The following CACNB2 variants were observed in gnomAD, a reference collection of about 807,000 sequenced individuals.
CACNB2 encodes the protein calcium voltage-gated channel auxiliary subunit beta 2.
Under a neutral mutation model 73.3 loss-of-function variants are expected in CACNB2, and 42 were observed. The observed-to-expected ratio is 0.57, with a 90% CI of 0.45 to 0.74. The LOEUF is 0.74. Ranked by LOEUF, CACNB2 falls within the 30% of genes least tolerant of loss-of-function variation. The pLI is 0.00. For synonymous variants in CACNB2, 348 were observed against 310.3 expected, an observed-to-expected ratio of 1.12 and a Z score of -1.28; for missense variants, 940 against 853.0, an observed-to-expected ratio of 1.10 and a Z score of -1.27.
At chr10:18,413,052 C>G (rs1188502415) in intron 3 of CACNB2, among the ~76,000 whole-genome samples, 1 of 152,232 alleles carries the variant, frequency 6.6e-6, no homozygotes, top group Non-Finnish European at 1.5e-5. Flanking sequence ...CTGACTGCAA[C>G]TTCTGCCCCC....
At chr10:18,482,711 C>T (rs865870870) in intron 3 of CACNB2, among the ~76,000 whole-genome samples, 8 of 152,030 alleles carry the variant, frequency 5.3e-5, no homozygotes, top group African/African-American at 1.7e-4. Context: ...AGGGTTTCAC[C>T]ACGTTGGGCA....
chr10:18,167,708 G>C (rs1180556239), intron 2 of CACNB2, among the ~76,000 whole-genome samples: 1 of 152,118 alleles, frequency 6.6e-6, no homozygotes, highest in Non-Finnish European at 1.5e-5. Context: ...TAATAATACA[G>C]AATGGCGCAG....
chr10:18,301,922 C>T (rs2039534552), intron 2 of CACNB2, among the ~76,000 whole-genome samples: 1 of 152,056 alleles, frequency 6.6e-6, no homozygotes, highest in Non-Finnish European at 1.5e-5. Context: ...GCTGGGATTA[C>T]AGGCATGAGC....
rs1449739152 is a variant in CACNB2 at position 18,483,272 on chromosome 10, T to C, written c.334-15083T>C. Among the ~76,000 whole-genome samples the C allele has an allele frequency of 3.3e-5, 5 of 151,132 alleles. No individual in the cohort carries two copies. In the South Asian group the frequency reaches 6.3e-4, roughly 19 times the overall value. ...CAGGCTGGGCACAGTGGCTCATGCC[T>C]GTAATCCCAGCACTTTGGGAGGCCG... On this transcript the variant is annotated intron_variant, in intron 3 of 13. Coordinates refer to ENST00000324631, the MANE Select transcript of CACNB2 (RefSeq NM_201596.3).
chr10:18,377,378 A>G (rs1204034081), intron 2 of CACNB2, among the ~76,000 whole-genome samples: 1 of 152,214 alleles, frequency 6.6e-6, no homozygotes, highest in Non-Finnish European at 1.5e-5. Context: ...ATCCTGTAAT[A>G]CAGAGGTTGA....
intron 2 of CACNB2, among the ~76,000 whole-genome samples, chr10:18,301,549 T>C (rs2131833523): frequency 6.6e-6 from 1 of 151,948 alleles, no homozygotes; most frequent in East Asian, 2.0e-4. Context: ...GAGGTATGAT[T>C]ATGACACTGC....
At position 18,194,643 on chromosome 10, in the gene CACNB2, T is replaced by TG. The variant is rs1424130789; in HGVS notation, c.213+43673dup. On this transcript the variant is annotated intron_variant, in intron 2 of 13. Coordinates refer to ENST00000324631, the MANE Select transcript of CACNB2 (RefSeq NM_201596.3). ...TCACAGCTGAGGCAATAGATGGGTG[T>TG]GGGGGAGATATATTTTGTTTAGTGT... Among the ~76,000 whole-genome samples the TG allele has an allele frequency of 2.6e-5, 4 of 152,270 alleles. No individual in the cohort carries two copies. The East Asian group carries it at 7.7e-4, about 29-fold the overall frequency.
chr10:18,386,487 C>G (rs1330020837), intron 2 of CACNB2, among the ~76,000 whole-genome samples: 1 of 146,452 alleles, frequency 6.8e-6, no homozygotes, highest in Non-Finnish European at 1.5e-5. Context: ...ACTGCAAGCT[C>G]CGCCTCCTGG....
At chr10:18,346,373 C>A (rs570361879) in intron 2 of CACNB2, among the ~76,000 whole-genome samples, 1 of 151,990 alleles carries the variant, frequency 6.6e-6, no homozygotes, top group Admixed American at 6.6e-5. Context: ...CTCCTGACCT[C>A]GAGTTCCACT....
Position 18,340,760 on chromosome 10 carries a change from A to G in CACNB2, c.214-61164A>G, listed in dbSNP as rs1377228301. The G allele has an allele frequency of 3.3e-6, 5 of 1,527,644 alleles. No homozygotes were observed. In the African/African-American group the frequency reaches 5.5e-5, roughly 17 times the overall value. The allele number at this position is 1,527,644 out of a possible 1,614,324, so 94.6% of individuals were successfully genotyped here. A position where few individuals can be genotyped will look rare whatever the true frequency, so the allele number is the denominator to read the frequency against. On this transcript the variant is annotated intron_variant, in intron 2 of 13. Transcript: ENST00000324631. ...TGTTGTGATCCGACGAACTTTAGAAAGTCACACTAACTAAGACTACACACC... is the reference window on the plus strand; with the variant it reads ...TGTTGTGATCCGACGAACTTTAGAAGGTCACACTAACTAAGACTACACACC...
In CACNB2 at chr10:18,277,941, A is replaced by G. The variant is rs140806228; in HGVS notation, c.214-123983A>G. ...GGGAACCAGTTTCCTATAACCAGCT[A>G]TAACACAATGTGATTAATTAGACGT... On this transcript the variant is annotated intron_variant, in intron 2 of 13. Transcript: ENST00000324631. Among the ~76,000 whole-genome samples the G allele has an allele frequency of 9.2e-5, 14 of 152,328 alleles. No individual in the cohort carries two copies. In the East Asian group the frequency reaches 2.5e-3, roughly 27 times the overall value.
chr10:18,409,494 A>G (rs986492550), intron 3 of CACNB2, among the ~76,000 whole-genome samples: 2 of 152,176 alleles, frequency 1.3e-5, no homozygotes, highest in African/African-American at 4.8e-5. Flanking sequence ...AGTTCAGCTT[A>G]TCACTTATCT....
intron 2 of CACNB2, among the ~76,000 whole-genome samples, chr10:18,165,733 A>G (rs1005142244): frequency 1.3e-5 from 2 of 152,202 alleles, no homozygotes; most frequent in Non-Finnish European, 2.9e-5. Context: ...ACCAATTCTG[A>G]ATAACCTGTA....
intron 2 of CACNB2, among the ~76,000 whole-genome samples, chr10:18,307,201 C>T (rs1167991092): frequency 6.6e-6 from 1 of 152,162 alleles, no homozygotes; most frequent in East Asian, 1.9e-4. Context: ...ACGTGGCTCC[C>T]GCTTGTAATT....
In CACNB2 at chr10:18,539,839, A is replaced by ATAT; in HGVS notation, c.*117_*119dup. ...GCAATCATATGTGATCTGTCTTGTA[A>ATAT]TATTTTGTATTATTGCTGTTGCTTG... On this transcript the variant is annotated 3_prime_UTR_variant, in exon 14 of 14. Coordinates refer to ENST00000324631, the MANE Select transcript of CACNB2 (RefSeq NM_201596.3). 9.1e-7 allele frequency: 1 copy of ATAT among 1,094,180 alleles called. No homozygotes were observed. The allele number at this position is 1,094,180 out of a possible 1,614,324, so 67.8% of individuals were successfully genotyped here.
At chr10:18,322,632 AT>A (rs2040435544) in intron 2 of CACNB2, among the ~76,000 whole-genome samples, 1 of 152,150 alleles carries the variant, frequency 6.6e-6, no homozygotes. Flanking sequence ...TGTTCTATTA[AT>A]CTCTGATTTC....
intron 2 of CACNB2, among the ~76,000 whole-genome samples, chr10:18,154,291 T>A (rs1241882951): frequency 6.7e-6 from 1 of 149,986 alleles, no homozygotes; most frequent in Non-Finnish European, 1.5e-5. Context: ...ATTAAGAACT[T>A]TAAAAAAAAA....
rs184046007 is a variant in CACNB2, at chr10:18,345,891, G to C, written c.214-56033G>C. Among the ~76,000 whole-genome samples, 35 of 152,226 alleles carry C rather than the reference G, an allele frequency of 2.3e-4. No homozygotes were observed. In the East Asian group the frequency reaches 6.6e-3, roughly 29 times the overall value. The stretch of plus-strand genomic sequence containing the variant: ...TTGACAGGGAGCTAATAACCATTAC[G>C]GAGAATAAGGAAAAGGTCACATCTG... On this transcript the variant is annotated intron_variant, in intron 2 of 13. Coordinates refer to ENST00000324631, the MANE Select transcript of CACNB2 (RefSeq NM_201596.3).
At chr10:18,496,664 A>G (rs1314332885) in intron 3 of CACNB2, among the ~76,000 whole-genome samples, 1 of 151,896 alleles carries the variant, frequency 6.6e-6, no homozygotes, top group Non-Finnish European at 1.5e-5. Flanking sequence ...AATACAAAAA[A>G]TTAGCTGGGC....
Sources: allele counts gnomAD v4.1 joint callset (sites outside exome capture counted in the v4.1 genomes callset), GRCh38; gene constraint gnomAD v4.1.1; transcripts MANE v1.5; gene names NCBI Gene and HGNC (gene_info 2026-07-23, HGNC 2026-07-21).